CWC27: variants seen among roughly 807,000 people sequenced by gnomAD.
The protein encoded by CWC27 is CWC27 spliceosome associated cyclophilin, also known as spliceosome-associated protein CWC27 homolog.
CWC27 carries 47 observed loss-of-function variants against 63.6 expected under a neutral mutation model. That is an observed-to-expected ratio of 0.74 (90% CI 0.58 to 0.94). The LOEUF (loss-of-function observed/expected upper bound fraction) is 0.94. CWC27 is among the 40% of genes least tolerant of loss of function. The pLI, the probability that CWC27 is intolerant of heterozygous loss-of-function variation, is 0.00. For synonymous variants in CWC27, 175 were observed against 179.8 expected (o/e 0.97, Z 0.22); for missense variants, 495 against 554.3 (o/e 0.89, Z 1.07).
At position 64,912,060 on chromosome 5, in the gene CWC27, C is replaced by T. The variant is rs530544666; in HGVS notation, c.1042+26514C>T. 7.4e-5 allele frequency among the ~76,000 whole-genome samples: 10 copies of T among 134,732 alleles called. 1 individual carries two copies. The South Asian group carries it at 1.2e-3, about 16-fold the overall frequency. The allele number at this position is 134,732 out of a possible 152,430, so 88.4% of individuals were successfully genotyped here. A position where few individuals can be genotyped will look rare whatever the true frequency, so the allele number is the denominator to read the frequency against. On this transcript the variant is annotated intron_variant, in intron 11 of 13. Coordinates refer to ENST00000381070, the MANE Select transcript of CWC27 (RefSeq NM_005869.4). ...CTGCACTCCAACCTAGGCAACAGAG[C>T]GAGACTCTGTCTCAAAAAAAAAAAA...
At chr5:64,904,940 C>T (rs1747595273) in intron 11 of CWC27, among the ~76,000 whole-genome samples, 1 of 152,122 alleles carries the variant, frequency 6.6e-6, no homozygotes, top group East Asian at 1.9e-4. Context: ...GTGGCTCATG[C>T]CTGTAATCCC....
chr5:64,888,622 A>C (rs545253546), intron 11 of CWC27, among the ~76,000 whole-genome samples: 2 of 150,674 alleles, frequency 1.3e-5, no homozygotes, highest in South Asian at 2.1e-4. Flanking sequence ...TTCACAGCTC[A>C]TACTGAAGTA....
intron 13 of CWC27, among the ~76,000 whole-genome samples, chr5:65,004,909 T>TACACAC (rs61613608): frequency 0.035 from 2,264 of 64,930 alleles, 220 homozygotes; most frequent in African/African-American, 0.13. Context: ...TATATATACA[T>TACACAC]ACACACACAC....
At chr5:64,783,756 G>A in intron 3 of CWC27, 80 bp from the exon 4 acceptor site, 1 of 1,213,786 alleles carries the variant, frequency 8.2e-7, no homozygotes, top group Non-Finnish European at 1.1e-6. Context: ...AGTTGTATGG[G>A]ACCTTGCAGG....
rs558934977 is a variant in CWC27, at chr5:65,005,126, A to T, written c.1257-13033A>T. Reference sequence around the variant, plus strand: ...ACACCAGGTGGGTTGATCCATGGGTACCAGTACTGGCAGTAGCAGGCAGGG... The same window carrying T: ...ACACCAGGTGGGTTGATCCATGGGTTCCAGTACTGGCAGTAGCAGGCAGGG... On this transcript the variant is annotated intron_variant, in intron 13 of 13. Transcript: ENST00000381070. Among the ~76,000 whole-genome samples, 126 of 151,796 alleles carry T rather than the reference A, an allele frequency of 8.3e-4. 1 individual carries two copies. Among genetic ancestry groups the T allele is most frequent in the African/African-American group, 2.8e-3 (114 of 41,378 alleles).
At chr5:64,883,156 A>C (rs777035821) in intron 10 of CWC27, among the ~76,000 whole-genome samples, 6 of 152,168 alleles carry the variant, frequency 3.9e-5, no homozygotes, top group South Asian at 4.1e-4. Flanking sequence ...ATCAGATCTC[A>C]TGAGAACTCA....
intron 11 of CWC27, among the ~76,000 whole-genome samples, chr5:64,924,511 A>G (rs1358051904): frequency 6.6e-6 from 1 of 152,182 alleles, no homozygotes; most frequent in African/African-American, 2.4e-5. Flanking sequence ...TTCTTTCTGT[A>G]TATCTGCAGC....
Position 65,017,019 on chromosome 5 carries a change from T to C in CWC27, c.1257-1140T>C, listed in dbSNP as rs543964752. ...GTAGGAAAAGACTTAAGAGTTTTAT[T>C]TGTATGAAAATTGAACTTTTCGCCG... On this transcript the variant is annotated intron_variant, in intron 13 of 13. Coordinates refer to ENST00000381070, the MANE Select transcript of CWC27 (RefSeq NM_005869.4). Among the ~76,000 whole-genome samples, 5 of 152,210 alleles carry C rather than the reference T, an allele frequency of 3.3e-5. No homozygotes were observed. In the East Asian group the frequency reaches 9.7e-4, roughly 29 times the overall value.
chr5:64,817,270 A>G (rs748785206), intron 10 of CWC27, among the ~76,000 whole-genome samples: 3 of 152,080 alleles, frequency 2.0e-5, no homozygotes, highest in Admixed American at 6.6e-5. Flanking sequence ...CTCAAATATC[A>G]TCTTAACAGA....
chr5:64,996,883 C>CAG (rs1749643563), intron 13 of CWC27, among the ~76,000 whole-genome samples: 1 of 152,104 alleles, frequency 6.6e-6, no homozygotes, highest in Middle Eastern at 3.2e-3. Context: ...AACAGTTTCT[C>CAG]TAAGTTAGCT....
chr5:64,859,440 GA>G (rs1171980383), intron 10 of CWC27, among the ~76,000 whole-genome samples: 1 of 151,958 alleles, frequency 6.6e-6, no homozygotes, highest in Non-Finnish European at 1.5e-5. Context: ...TATCTCAAAG[GA>G]AAAAAAGTTT....
At chr5:65,000,279 C>T (rs1234747407) in intron 13 of CWC27, among the ~76,000 whole-genome samples, 3 of 152,000 alleles carry the variant, frequency 2.0e-5, no homozygotes, top group Non-Finnish European at 2.9e-5. Context: ...CTACATTCAA[C>T]AGGTTGTCTC....
intron 13 of CWC27, among the ~76,000 whole-genome samples, chr5:64,993,554 C>T (rs566892754): frequency 6.6e-6 from 1 of 151,884 alleles, no homozygotes; most frequent in South Asian, 2.1e-4. Flanking sequence ...GACTTAGCTA[C>T]TATAAATTTA....
chr5:64,803,929 A>G (rs963981671), intron 9 of CWC27, among the ~76,000 whole-genome samples: 13 of 152,118 alleles, frequency 8.5e-5, no homozygotes, highest in Admixed American at 5.9e-4. Flanking sequence ...AGGAATATAG[A>G]CAGAATAGCC....
intron 10 of CWC27, among the ~76,000 whole-genome samples, chr5:64,863,974 AT>A (rs1345153936): frequency 6.6e-6 from 1 of 152,098 alleles, no homozygotes; most frequent in Non-Finnish European, 1.5e-5. Context: ...CGTTCCATTT[AT>A]ATTTATTATC....
chr5:64,891,391 T>C (rs1364305468), intron 11 of CWC27, among the ~76,000 whole-genome samples: 1 of 152,206 alleles, frequency 6.6e-6, no homozygotes, highest in Admixed American at 6.5e-5. Context: ...TACCTTTAAG[T>C]GCTAGAAACC....
rs538214847 is a variant in CWC27 at position 64,940,601 on chromosome 5, AC to A, written c.1043-31100del. Among the ~76,000 whole-genome samples, 439 of 152,100 alleles carry A rather than the reference AC, an allele frequency of 2.9e-3. 5 individuals are homozygous for A. The highest frequency in any genetic ancestry group is 0.01 in the African/African-American group (416 of 41,490). ...CACCTGCACCTTAGTTTTAGTATTC[AC>A]CAGTGATTTTCTACTTCCATCATTT... On this transcript the variant is annotated intron_variant, in intron 11 of 13. Coordinates refer to ENST00000381070, the MANE Select transcript of CWC27 (RefSeq NM_005869.4).
At chr5:64,930,555 A>C (rs775380571) in intron 11 of CWC27, among the ~76,000 whole-genome samples, 1 of 152,128 alleles carries the variant, frequency 6.6e-6, no homozygotes, top group Non-Finnish European at 1.5e-5. Flanking sequence ...CAAACAATAA[A>C]TGTGAAGAGA....
chr5:64,951,793 C>T (rs766292151), intron 11 of CWC27, among the ~76,000 whole-genome samples: 8 of 151,932 alleles, frequency 5.3e-5, no homozygotes, highest in Non-Finnish European at 1.2e-4. Flanking sequence ...TTCCAAGGTC[C>T]ATCCATGTTG....
Sources: gnomAD v4.1 joint callset for allele counts (sites outside exome capture counted in the v4.1 genomes callset) on GRCh38, gnomAD v4.1.1 for gene constraint, MANE v1.5 for transcripts, NCBI Gene and HGNC (gene_info 2026-07-23, HGNC 2026-07-21) for gene names.